MSR1: variants seen among roughly 807,000 people sequenced by gnomAD.
The protein encoded by MSR1 is macrophage scavenger receptor 1.
A neutral mutation model predicts 47.2 loss-of-function variants in MSR1; 53 were observed. The ratio of observed to expected loss-of-function variants is 1.12; its 90% CI spans 0.90 to 1.41. MSR1 has a LOEUF of 1.41. Among genes scored for constraint, MSR1 ranks in the 40% most tolerant of loss-of-function variants. MSR1 has a pLI of 0.00. For missense variants in MSR1, 786 were observed against 546.9 expected (o/e 1.44, Z -4.36); for synonymous variants, 239 against 185.6 (o/e 1.29, Z -2.34).
At chr8:16,161,734 G>A (rs1346872597) in intron 5 of MSR1, among the ~76,000 whole-genome samples, 2 of 151,774 alleles carry the variant, frequency 1.3e-5, no homozygotes, top group African/African-American at 2.4e-5. Flanking sequence ...TACTAACTAT[G>A]AGCATTAGAA....
chr8:16,123,882 T>G (rs1490375404), intron 8 of MSR1, among the ~76,000 whole-genome samples: 1 of 152,138 alleles, frequency 6.6e-6, no homozygotes, highest in Non-Finnish European at 1.5e-5. Flanking sequence ...GTCTCCAACT[T>G]GTACTCAAGC....
intron 1 of MSR1, among the ~76,000 whole-genome samples, chr8:16,178,263 C>T (rs1018687393): frequency 7.1e-6 from 1 of 140,342 alleles, no homozygotes; most frequent in African/African-American, 2.6e-5. Context: ...CCTCCCCCTA[C>T]CCCACAACAG....
chr8:16,133,583 T>A (rs1370619820), intron 8 of MSR1, among the ~76,000 whole-genome samples: 8 of 152,148 alleles, frequency 5.3e-5, no homozygotes, highest in Admixed American at 5.2e-4. Context: ...CTCCAGGAAG[T>A]CAACAAGAAA....
chr8:16,189,329 T>C (rs1311523381), intron 1 of MSR1, among the ~76,000 whole-genome samples: 1 of 123,264 alleles, frequency 8.1e-6, no homozygotes, highest in African/African-American at 3.1e-5. Context: ...TATTTACATT[T>C]CATATATATA....
Position 16,164,113 on chromosome 8 carries a change from T to A in MSR1, c.769A>T (p.Lys257Ter). Residue 257 changes from lysine (K) to a stop codon, truncating the protein, a stop_gained, in exon 5 of 10, where the codon AAA (lysine) becomes TAA (stop). Transcript: ENST00000262101. LOFTEE classifies it high-confidence loss of function. Reference protein sequence around the residue: ...LNNITNDLRLKDWEHSQTLRN... With the variant: ...LNNITNDLRL Reference sequence around the variant, plus strand: ...AAGGTCTGAGAATGTTCCCAATCTTTCAGTCTGAGATCATTAGTGATGTTA... The same window carrying A: ...AAGGTCTGAGAATGTTCCCAATCTTACAGTCTGAGATCATTAGTGATGTTA... The A allele has an allele frequency of 6.2e-7, 1 of 1,611,256 alleles. No individual in the cohort carries two copies. Among genetic ancestry groups the A allele is most frequent in the Non-Finnish European group, 8.5e-7 (1 of 1,178,208 alleles).
At chr8:16,133,554 A>C (rs1388634444) in intron 8 of MSR1, among the ~76,000 whole-genome samples, 1 of 152,134 alleles carries the variant, frequency 6.6e-6, no homozygotes, top group Non-Finnish European at 1.5e-5. Context: ...TAGTAAGCCT[A>C]GGTTACCATT....
chr8:16,146,458 G>T (rs553271953), intron 7 of MSR1, among the ~76,000 whole-genome samples: 2 of 151,840 alleles, frequency 1.3e-5, no homozygotes, highest in Non-Finnish European at 2.9e-5. Context: ...CTTGAGAGTT[G>T]AGTCTACCAC....
intron 2 of MSR1, among the ~76,000 whole-genome samples, chr8:16,176,943 C>T (rs1801667054): frequency 6.6e-6 from 1 of 152,180 alleles, no homozygotes; most frequent in South Asian, 2.1e-4. Flanking sequence ...TTTGTATATG[C>T]TGCTTCTTCA....
At chr8:16,129,152 T>C (rs1800196640) in intron 8 of MSR1, among the ~76,000 whole-genome samples, 1 of 152,190 alleles carries the variant, frequency 6.6e-6, no homozygotes. Flanking sequence ...GAGGTTTACT[T>C]GTTCTTTGAA....
At chr8:16,128,360 C>G (rs1020546477) in intron 8 of MSR1, among the ~76,000 whole-genome samples, 1 of 151,958 alleles carries the variant, frequency 6.6e-6, no homozygotes, top group South Asian at 2.1e-4. Context: ...GGGCAGAATC[C>G]TAACTTGATA....
intron 7 of MSR1, among the ~76,000 whole-genome samples, chr8:16,143,861 G>A (rs2117115666): frequency 6.6e-6 from 1 of 152,156 alleles, no homozygotes; most frequent in Non-Finnish European, 1.5e-5. Flanking sequence ...ATCAAGCAAA[G>A]CTGAAGAATA....
chr8:16,181,228 G>T (rs1585195876), intron 1 of MSR1, among the ~76,000 whole-genome samples: 1 of 152,094 alleles, frequency 6.6e-6, no homozygotes, highest in Non-Finnish European at 1.5e-5. Flanking sequence ...TGATTGCTGG[G>T]TCAAATGGCA....
intron 5 of MSR1, among the ~76,000 whole-genome samples, chr8:16,159,507 A>G (rs1801103501): frequency 6.6e-6 from 1 of 151,994 alleles, no homozygotes; most frequent in African/African-American, 2.4e-5. Context: ...GATTATTAAT[A>G]TAAGGGAAAA....
intron 8 of MSR1, among the ~76,000 whole-genome samples, chr8:16,141,440 C>A (rs1490714773): frequency 6.6e-6 from 1 of 151,976 alleles, no homozygotes; most frequent in East Asian, 1.9e-4. Flanking sequence ...TATGGTGTAG[C>A]TGAATAATAG....
intron 4 of MSR1, among the ~76,000 whole-genome samples, chr8:16,164,665 T>A: frequency 6.6e-6 from 1 of 152,008 alleles, no homozygotes; most frequent in East Asian, 1.9e-4. Flanking sequence ...GGAAATTGTT[T>A]TATAGTAATA....
rs1201432675 is a variant in MSR1, at chr8:16,120,567, G to C, written c.1073C>G (p.Pro358Arg). 6.2e-7 allele frequency: 1 copy of C among 1,606,886 alleles called. No homozygotes were observed. The highest frequency in any genetic ancestry group is 1.1e-5 in the South Asian group (1 of 90,846). The change falls in exon 9 of 10, where the codon CCT (proline) becomes CGT (arginine). Residue 358 changes from proline to arginine, a missense_variant. Physicochemically the swap from Pro to Arg is moderately radical, Grantham distance 103. Coordinates refer to ENST00000262101, the MANE Select transcript of MSR1 (RefSeq NM_138715.3). ...GAGTATCTCCACCCTCCCCTCGTGA[G>C]GGCCGCTCCCACCGACCAGTCGAAC... ...TKVRLVGGSG[P>R]HEGRVEILHS...
chr8:16,144,778 C>G (rs1352271748), intron 7 of MSR1, among the ~76,000 whole-genome samples: 1 of 152,062 alleles, frequency 6.6e-6, no homozygotes, highest in Non-Finnish European at 1.5e-5. Context: ...TATTCTTCAC[C>G]TCCTAAAGCT....
At chr8:16,137,283 G>A (rs1800413730) in intron 8 of MSR1, among the ~76,000 whole-genome samples, 4 of 151,984 alleles carry the variant, frequency 2.6e-5, no homozygotes, top group South Asian at 2.1e-4. Flanking sequence ...TAGTTATGAA[G>A]GTGGAAACAC....
chr8:16,152,717 G>A (rs185512808), intron 6 of MSR1, among the ~76,000 whole-genome samples: 3 of 152,114 alleles, frequency 2.0e-5, no homozygotes, highest in Admixed American at 1.3e-4. Flanking sequence ...AAACATTGTT[G>A]TCATGGGTAA....
Sources: gnomAD v4.1 joint callset for allele counts (sites outside exome capture counted in the v4.1 genomes callset) on GRCh38, gnomAD v4.1.1 for gene constraint, MANE v1.5 for transcripts, NCBI Gene and HGNC (gene_info 2026-07-23, HGNC 2026-07-21) for gene names.